The following DICER1 variants were observed in gnomAD, a reference collection of about 807,000 sequenced individuals.
DICER1 encodes endoribonuclease Dicer.
DICER1 carries 43 observed loss-of-function variants against 194.1 expected under a neutral mutation model. The ratio of observed to expected loss-of-function variants is 0.22; its 90% CI spans 0.17 to 0.29. The LOEUF (loss-of-function observed/expected upper bound fraction) is 0.29. Ranked by LOEUF, DICER1 falls within the 10% of genes least tolerant of loss-of-function variation. DICER1 has a pLI of 1.00. For synonymous variants in DICER1, 832 were observed against 820.5 expected, an observed-to-expected ratio of 1.01 and a Z score of -0.24; for missense variants, 1,608 against 2,317.0, an observed-to-expected ratio of 0.69 and a Z score of 6.28.
intron 4 of DICER1, among the ~76,000 whole-genome samples, chr14:95,131,185 C>T (rs1893918844): frequency 2.0e-5 from 3 of 151,864 alleles, no homozygotes; most frequent in Admixed American, 2.0e-4. Context: ...CCACCACGCC[C>T]GGCTAATTTT....
At chr14:95,096,856 TGTTTTC>T in intron 22 of DICER1, 143 bp from the exon 23 acceptor site, 2 of 882,814 alleles carry the variant, frequency 2.3e-6, no homozygotes, top group Non-Finnish European at 1.7e-6. Context: ...CATGGCCATT[TGTTTTC>T]AATTAACATA....
chr14:95,111,219 G>T (rs1156669313), intron 14 of DICER1, 98 bp downstream of exon 14: 1 of 1,417,512 alleles, frequency 7.1e-7, no homozygotes, highest in Non-Finnish European at 1.0e-6. Flanking sequence ...AAACTGTAAG[G>T]GTGTGGGAAG....
intron 13 of DICER1, among the ~76,000 whole-genome samples, chr14:95,111,929 T>A (rs1276575440): frequency 6.6e-6 from 1 of 151,866 alleles, no homozygotes; most frequent in Non-Finnish European, 1.5e-5. Flanking sequence ...TTAAAAGGAG[T>A]CATTAAAGAG....
intron 1 of DICER1, among the ~76,000 whole-genome samples, chr14:95,145,631 C>T (rs1385222856): frequency 1.3e-5 from 2 of 150,652 alleles, no homozygotes; most frequent in Non-Finnish European, 1.5e-5. Context: ...TGAATATAGA[C>T]TATGAAAAGA....
At chr14:95,100,525 T>TA (rs1345663238) in intron 21 of DICER1, among the ~76,000 whole-genome samples, 2 of 152,050 alleles carry the variant, frequency 1.3e-5, no homozygotes, top group Non-Finnish European at 2.9e-5. Flanking sequence ...TTATTCAACT[T>TA]AAAAAAAATG....
At chr14:95,143,663 C>A (rs950527386) in intron 1 of DICER1, among the ~76,000 whole-genome samples, 5 of 152,100 alleles carry the variant, frequency 3.3e-5, no homozygotes, top group Non-Finnish European at 7.4e-5. Context: ...AGTAAGATTT[C>A]TTTCTGTCTT....
chr14:95,094,125 A>G lies in DICER1; in HGVS notation c.5127T>C (p.Asp1709=), dbSNP rs1890098663. ...TGGTTATGAGGTAGTCCAAAATCGC[A>G]TCTCCCAGGAATTCTAAGCGCTGGT... ...DCYQRLEFLG[D]AILDYLITKH... The change falls in exon 24 of 27, where the codon GAT becomes GAC. Residue 1709 remains aspartate, a synonymous_variant. Coordinates refer to ENST00000343455, the MANE Select transcript of DICER1 (RefSeq NM_177438.3). The G allele has an allele frequency of 6.2e-7, 1 of 1,614,136 alleles. No homozygotes were observed. Among genetic ancestry groups the G allele is most frequent in the Non-Finnish European group, 8.5e-7 (1 of 1,180,008 alleles).
chr14:95,114,080 GAACA>G (rs1239282375), intron 11 of DICER1, among the ~76,000 whole-genome samples: 2 of 152,152 alleles, frequency 1.3e-5, no homozygotes, highest in African/African-American at 2.4e-5. Context: ...ATGTAAACAT[GAACA>G]AACAAACATT....
chr14:95,115,483 G>A (rs1008809172), intron 11 of DICER1, among the ~76,000 whole-genome samples, 184 bp downstream of exon 11: 4 of 152,018 alleles, frequency 2.6e-5, no homozygotes, highest in African/African-American at 7.2e-5. Context: ...ATTGCTGCAC[G>A]ATACTGTTTT....
intron 1 of DICER1, among the ~76,000 whole-genome samples, chr14:95,147,371 C>T (rs1026701285): frequency 1.3e-5 from 2 of 152,072 alleles, no homozygotes; most frequent in Non-Finnish European, 2.9e-5. Context: ...GAGGCTGAGG[C>T]GGAAGAATCA....
At position 95,096,487 on chromosome 14, in the gene DICER1, G is replaced by A. The variant is rs771378631; in HGVS notation, c.4433C>T (p.Ala1478Val). 1 of 1,614,120 alleles carries A rather than the reference G, an allele frequency of 6.2e-7. No homozygotes were observed. ...SLSPFSTTDSAYEWKMPKKSS... is the reference protein window; with the variant it reads ...SLSPFSTTDSVYEWKMPKKSS... ...TTTTTTGGGCATTTTCCATTCATAT[G>A]CAGAATCAGTGGTTGAAAAAGGAGA... is the stretch of plus-strand genomic sequence containing the variant. The change falls in exon 23 of 27, where the codon GCA (alanine) becomes GTA (valine). Residue 1478 changes from alanine to valine, a missense_variant. Ala to Val is a moderately conservative substitution (Grantham distance 64). Transcript: ENST00000343455.
Position 95,108,444 on chromosome 14 carries a change from C to G in DICER1, c.2316G>C (p.Val772=). 6.2e-7 allele frequency: 1 copy of G among 1,614,072 alleles called. No individual in the cohort carries two copies. The highest frequency in any genetic ancestry group is 8.5e-7 in the Non-Finnish European group (1 of 1,179,956). The change falls in exon 15 of 27, where the codon GTG becomes GTC. Residue 772 remains valine, a synonymous_variant. Transcript: ENST00000343455. ...PRPDQPCYLY[V]IGMVLTTPLP... is the part of the protein sequence containing the mutation. ...AAGGTGTAGTTAAAACCATTCCTAT[C>G]ACATACAGGTAACAGGGCTGATCAG... is the stretch of plus-strand genomic sequence containing the variant.
chr14:95,099,564 T>A (rs566833610), intron 22 of DICER1, among the ~76,000 whole-genome samples: 1 of 152,222 alleles, frequency 6.6e-6, no homozygotes, highest in Admixed American at 6.5e-5. Context: ...GAAATTTGCC[T>A]CCATCAAAAT....
At chr14:95,140,716 G>A (rs1158633531) in intron 1 of DICER1, 1 of 152,178 alleles carries the variant, frequency 6.6e-6, no homozygotes, top group African/African-American at 2.4e-5. Context: ...TTGACATTGT[G>A]ATAGCAGTTT....
Position 95,100,420 on chromosome 14 carries a change from T to C in DICER1, c.4051-485A>G, listed in dbSNP as rs373156211. On this transcript the variant is annotated intron_variant, in intron 21 of 26. Transcript: ENST00000343455. ...CTGGCACCGAACAAAACTGAAACAA[T>C]GTTATATTCCTAGAATCGAAGCCAC... 6.6e-5 allele frequency among the ~76,000 whole-genome samples: 10 copies of C among 152,302 alleles called. No individual in the cohort carries two copies. In the South Asian group the frequency reaches 2.1e-3, roughly 32 times the overall value.
chr14:95,087,895 G>C lies in DICER1; in HGVS notation c.*2603C>G, dbSNP rs1595302323. 4.3e-6 allele frequency: 1 copy of C among 232,988 alleles called. No homozygotes were observed. The highest frequency in any genetic ancestry group is 8.5e-6 in the Non-Finnish European group (1 of 118,002). 14.4% of individuals were successfully genotyped at this position (232,988 alleles called of 1,614,324 possible). A position where few individuals can be genotyped will look rare whatever the true frequency, so the allele number is the denominator to read the frequency against. On this transcript the variant is annotated 3_prime_UTR_variant, in exon 27 of 27. Coordinates refer to ENST00000343455, the MANE Select transcript of DICER1 (RefSeq NM_177438.3). ...CACAGGAACACAGGGTGGCACACAG[G>C]GCTCTAAAGTGGGGCAACATAGAGT...
rs1360320875 is a variant in DICER1, at chr14:95,096,614, C to A, written c.4306G>T (p.Ala1436Ser). Residue 1436 changes from alanine (A) to serine (S), a missense_variant, in exon 23 of 27, where the codon GCT (alanine) becomes TCT (serine). This residue lies in a region of DICER1 where 164 missense variants were observed against 183.7 expected (regional missense o/e 0.89). Transcript: ENST00000343455. ...TCCAGGAAATCATCTTCATAGTCAGCCTCTTCCTTCGGAGCCCTCCACATC... is the reference window on the plus strand; with the variant it reads ...TCCAGGAAATCATCTTCATAGTCAGACTCTTCCTTCGGAGCCCTCCACATC... ...SLMWRAPKEE[A>S]DYEDDFLEYD... The A allele has an allele frequency of 1.9e-6, 3 of 1,611,760 alleles. No homozygotes were observed. The highest frequency in any genetic ancestry group is 2.5e-6 in the Non-Finnish European group (3 of 1,178,816).
chr14:95,153,805 T>C (rs1362086957), intron 1 of DICER1, among the ~76,000 whole-genome samples: 1 of 152,230 alleles, frequency 6.6e-6, no homozygotes. Flanking sequence ...TACTAGAGTC[T>C]TAGCAGAAAT....
At chr14:95,128,246 C>T (rs965562198) in intron 6 of DICER1, among the ~76,000 whole-genome samples, 6 of 152,268 alleles carry the variant, frequency 3.9e-5, no homozygotes, top group African/African-American at 1.2e-4. Context: ...AATTTATACT[C>T]AACCAAAGAG....
Sources: gnomAD v4.1 joint callset for allele counts (sites outside exome capture counted in the v4.1 genomes callset) on GRCh38, gnomAD v4.1.1 for gene constraint, gnomAD v4.1.1 regional missense constraint, MANE v1.5 for transcripts, NCBI Gene and HGNC (gene_info 2026-07-23, HGNC 2026-07-21) for gene names.